The following PLXDC2 variants were observed in gnomAD, a reference collection of about 807,000 sequenced individuals.
The protein encoded by PLXDC2 is plexin domain-containing protein 2.
Under a neutral mutation model 68.9 loss-of-function variants are expected in PLXDC2, and 40 were observed. The ratio of observed to expected loss-of-function variants is 0.58; its 90% CI spans 0.45 to 0.76. PLXDC2 has a LOEUF of 0.76. Among genes scored for constraint, PLXDC2 ranks in the 30% least tolerant of loss-of-function variants. The probability of loss-of-function intolerance (pLI) is 0.00; values close to 1 mark genes in which losing one functional copy is unlikely to be tolerated. For synonymous variants in PLXDC2, 243 were observed against 234.2 expected, an observed-to-expected ratio of 1.04 and a Z score of -0.34; for missense variants, 644 against 661.9, an observed-to-expected ratio of 0.97 and a Z score of 0.30.
At chr10:19,879,977 G>T (rs569317504) in intron 1 of PLXDC2, among the ~76,000 whole-genome samples, 285 of 152,230 alleles carry the variant, frequency 1.9e-3, no homozygotes, top group African/African-American at 6.6e-3. Flanking sequence ...GTGGATTGAC[G>T]TTATTTTGAA....
At chr10:20,087,476 T>A (rs1049937826) in intron 4 of PLXDC2, among the ~76,000 whole-genome samples, 5 of 152,168 alleles carry the variant, frequency 3.3e-5, no homozygotes, top group African/African-American at 1.2e-4. Flanking sequence ...CCACGGAGAG[T>A]AACTTCCAGC....
intron 1 of PLXDC2, among the ~76,000 whole-genome samples, chr10:19,960,903 A>T (rs1234301796): frequency 6.6e-6 from 1 of 152,224 alleles, no homozygotes; most frequent in Non-Finnish European, 1.5e-5. Context: ...CTAAGAATAT[A>T]AAATCAATGG....
At chr10:20,138,782 G>A (rs903982319) in intron 4 of PLXDC2, among the ~76,000 whole-genome samples, 3 of 151,990 alleles carry the variant, frequency 2.0e-5, no homozygotes, top group African/African-American at 7.3e-5. Context: ...GCATGGTGGT[G>A]CACACCTGTA....
intron 1 of PLXDC2, among the ~76,000 whole-genome samples, chr10:19,953,347 A>C (rs1256621962): frequency 1.3e-5 from 2 of 152,214 alleles, no homozygotes; most frequent in East Asian, 3.9e-4. Context: ...CATTTGATTT[A>C]AGTATTTGGG....
At chr10:19,967,830 G>A (rs1834288901) in intron 1 of PLXDC2, among the ~76,000 whole-genome samples, 1 of 152,132 alleles carries the variant, frequency 6.6e-6, no homozygotes, top group South Asian at 2.1e-4. Context: ...TTGCTTTCCA[G>A]AAAAATCAAA....
chr10:20,020,722 T>C (rs1377923756), intron 2 of PLXDC2, among the ~76,000 whole-genome samples: 1 of 152,202 alleles, frequency 6.6e-6, no homozygotes, highest in East Asian at 1.9e-4. Context: ...TTTGCATATG[T>C]CAACAGAACT....
intron 1 of PLXDC2, among the ~76,000 whole-genome samples, chr10:19,940,519 C>T (rs1833800431): frequency 6.8e-6 from 1 of 147,496 alleles, no homozygotes; most frequent in Non-Finnish European, 1.5e-5. Context: ...GAGCACATCT[C>T]ATTACTTATT....
At chr10:19,969,347 A>C (rs1407843274) in intron 1 of PLXDC2, among the ~76,000 whole-genome samples, 1 of 152,242 alleles carries the variant, frequency 6.6e-6, no homozygotes, top group Non-Finnish European at 1.5e-5. Context: ...CTGTGATTTG[A>C]ACTGAAAATA....
At chr10:20,070,698 C>T (rs1007293385) in intron 4 of PLXDC2, 20 of 152,086 alleles carry the variant, frequency 1.3e-4, no homozygotes, top group Non-Finnish European at 2.1e-4. Flanking sequence ...GGCATGTTTT[C>T]TGAAATTTAG....
At chr10:19,987,693 C>G (rs977464765) in intron 1 of PLXDC2, among the ~76,000 whole-genome samples, 28 of 151,994 alleles carry the variant, frequency 1.8e-4, no homozygotes, top group African/African-American at 6.8e-4. Context: ...TCCCCGGTAG[C>G]TGGGACTATA....
chr10:20,181,527 G>T (rs1392878060), intron 9 of PLXDC2, among the ~76,000 whole-genome samples: 2 of 151,988 alleles, frequency 1.3e-5, no homozygotes, highest in Non-Finnish European at 2.9e-5. Context: ...TTTTTGGAGG[G>T]GGTAATAAAT....
rs1440843894 is a variant in PLXDC2 at position 19,817,252 on chromosome 10, C to T, written c.112+61C>T. On this transcript the variant is annotated intron_variant, in intron 1 of 13. Coordinates refer to ENST00000377252, the MANE Select transcript of PLXDC2 (RefSeq NM_032812.9). ...CGCAGCTGAAGACCTCTCTGGCACT[C>T]TCGTGCTCCCTACCCTCTCCCCCCA... 3.4e-5 allele frequency: 45 copies of T among 1,304,548 alleles called. No homozygotes were observed. In the South Asian group the frequency reaches 5.7e-4, roughly 17 times the overall value. 80.8% of individuals were successfully genotyped at this position (1,304,548 alleles called of 1,614,324 possible).
intron 1 of PLXDC2, among the ~76,000 whole-genome samples, chr10:19,938,852 G>A (rs1018643740): frequency 6.6e-6 from 1 of 152,150 alleles, no homozygotes; most frequent in African/African-American, 2.4e-5. Flanking sequence ...AAAATTAATT[G>A]GAGCAGGAAG....
intron 1 of PLXDC2, among the ~76,000 whole-genome samples, chr10:19,887,059 C>T (rs1346181925): frequency 3.3e-5 from 5 of 152,150 alleles, no homozygotes; most frequent in Non-Finnish European, 7.3e-5. Context: ...TCAGGGACAC[C>T]TACAGGTTCC....
intron 4 of PLXDC2, among the ~76,000 whole-genome samples, chr10:20,141,868 T>C (rs1834011269): frequency 6.6e-6 from 1 of 152,034 alleles, no homozygotes; most frequent in Non-Finnish European, 1.5e-5. Flanking sequence ...TTTTGAAAGA[T>C]AGTGCTTGGC....
At chr10:20,032,652 A>G (rs1003834671) in intron 2 of PLXDC2, among the ~76,000 whole-genome samples, 2 of 152,004 alleles carry the variant, frequency 1.3e-5, no homozygotes, top group Non-Finnish European at 2.9e-5. Flanking sequence ...GGTACTGTGG[A>G]AGCGGAGAGA....
chr10:19,820,636 G>A (rs1490010652), intron 1 of PLXDC2, among the ~76,000 whole-genome samples: 2 of 105,960 alleles, frequency 1.9e-5, no homozygotes, highest in Admixed American at 9.7e-5. Context: ...GCGAGACTCC[G>A]TCTCAAAAAA....
chr10:19,867,118 T>A (rs563710335), intron 1 of PLXDC2, among the ~76,000 whole-genome samples: 27 of 144,144 alleles, frequency 1.9e-4, no homozygotes, highest in African/African-American at 7.0e-4. Flanking sequence ...CAGGCTGGAG[T>A]GCAATGTTGC....
chr10:19,887,359 A>G (rs1303647269), intron 1 of PLXDC2, among the ~76,000 whole-genome samples: 1 of 152,150 alleles, frequency 6.6e-6, no homozygotes, highest in Non-Finnish European at 1.5e-5. Context: ...TGTCTCTACT[A>G]AAAATACAAA....
Sources: allele counts gnomAD v4.1 joint callset (sites outside exome capture counted in the v4.1 genomes callset), GRCh38; gene constraint gnomAD v4.1.1; transcripts MANE v1.5; gene names NCBI Gene and HGNC (gene_info 2026-07-23, HGNC 2026-07-21).